The following POU2AF1 variants were observed in gnomAD, a reference collection of about 807,000 sequenced individuals.
POU2AF1 encodes POU domain class 2-associating factor 1.
Under a neutral mutation model 26.3 loss-of-function variants are expected in POU2AF1, and 12 were observed. That is an observed-to-expected ratio of 0.46 (90% confidence interval 0.29 to 0.74). The LOEUF (loss-of-function observed/expected upper bound fraction) is 0.74. POU2AF1 is among the 30% of genes least tolerant of loss of function. The probability of loss-of-function intolerance (pLI) is 0.09; values close to 1 mark genes in which losing one functional copy is unlikely to be tolerated. For synonymous variants in POU2AF1, 175 were observed against 148.0 expected (o/e 1.18, Z -1.32); for missense variants, 297 against 334.5 (o/e 0.89, Z 0.87).
At chr11:111,358,717 C>A in intron 2 of POU2AF1, 71 bp downstream of exon 2, 1 of 1,511,622 alleles carries the variant, frequency 6.6e-7, no homozygotes, top group East Asian at 2.5e-5. Context: ...CATACACTCT[C>A]ACACTATCCC....
At position 111,353,041 on chromosome 11, in the gene POU2AF1, GGAAGGAAGGAAGGAAA is replaced by G. The variant is rs1159530674; in HGVS notation, c.*1204_*1219del. The stretch of plus-strand genomic sequence containing the variant: ...AGGAAGGAAGGAAGGAAGGAAGGAA[GGAAGGAAGGAAGGAAA>G]GAAACAAAACCCACATGGTAGCACT... On this transcript the variant is annotated 3_prime_UTR_variant, in exon 5 of 5. Transcript: ENST00000393067. 9 of 167,508 alleles carry G rather than the reference GGAAGGAAGGAAGGAAA, an allele frequency of 5.4e-5. No individual in the cohort carries two copies. The highest frequency in any genetic ancestry group is 3.5e-4 in the African/African-American group (9 of 25,368). 10.4% of individuals were successfully genotyped at this position (167,508 alleles called of 1,614,324 possible). A position where few individuals can be genotyped will look rare whatever the true frequency, so the allele number is the denominator to read the frequency against.
chr11:111,360,141 G>T, intron 1 of POU2AF1: 1 of 462,392 alleles, frequency 2.2e-6, no homozygotes, highest in Admixed American at 2.3e-5. Context: ...TGGCTGGGAA[G>T]CAACAAGCTG....
At chr11:111,355,923 T>C (rs983426315) in intron 4 of POU2AF1, among the ~76,000 whole-genome samples, 3 of 152,136 alleles carry the variant, frequency 2.0e-5, no homozygotes, top group Admixed American at 1.3e-4. Flanking sequence ...TTTTCAAAAA[T>C]CCAGATGGAA....
intron 4 of POU2AF1, among the ~76,000 whole-genome samples, chr11:111,355,546 C>G (rs938078502): frequency 5.3e-5 from 8 of 152,308 alleles, no homozygotes; most frequent in African/African-American, 1.9e-4. Context: ...TGTGTCTTGA[C>G]AGCAAACTGT....
At chr11:111,369,527 G>A (rs566773063) in intron 1 of POU2AF1, among the ~76,000 whole-genome samples, 20 of 152,292 alleles carry the variant, frequency 1.3e-4, no homozygotes, top group African/African-American at 4.6e-4. Flanking sequence ...AGCACATATC[G>A]CATATGGAAT....
intron 1 of POU2AF1, among the ~76,000 whole-genome samples, chr11:111,366,344 C>G (rs1017207325): frequency 6.6e-6 from 1 of 152,140 alleles, no homozygotes; most frequent in Non-Finnish European, 1.5e-5. Context: ...AAAAAGACAG[C>G]AGGGGGAGAA....
At position 111,358,892 on chromosome 11, in the gene POU2AF1, G is replaced by T; in HGVS notation, c.43C>A (p.Pro15Thr). 1 of 1,607,134 alleles carries T rather than the reference G, an allele frequency of 6.2e-7. No homozygotes were observed. The change falls in exon 2 of 5, where the codon CCG (proline) becomes ACG (threonine). Residue 15 changes from proline to threonine, a missense_variant. By Grantham distance (38) the Pro-to-Thr change is conservative. Coordinates refer to ENST00000393067, the MANE Select transcript of POU2AF1 (RefSeq NM_006235.3). ...CGGACGCCCTGGTATGGCCGGGCCG[G>T]GGCTGGGGCTTGCTCCGGAGCTGTG... ...KPTAPEQAPAPARPYQGVRVK... is the reference protein window; with the variant it reads ...KPTAPEQAPATARPYQGVRVK...
intron 4 of POU2AF1, among the ~76,000 whole-genome samples, chr11:111,357,150 AACCAAG>A (rs1363715506): frequency 6.6e-6 from 1 of 152,124 alleles, no homozygotes; most frequent in Non-Finnish European, 1.5e-5. Context: ...TTCAACTCAG[AACCAAG>A]ACTCACTGCT....
chr11:111,369,410 C>T (rs1415223252), intron 1 of POU2AF1, among the ~76,000 whole-genome samples: 1 of 152,186 alleles, frequency 6.6e-6, no homozygotes, highest in Non-Finnish European at 1.5e-5. Flanking sequence ...GTCCTGACCT[C>T]AGATGCAGCC....
At position 111,353,021 on chromosome 11, in the gene POU2AF1, G is replaced by GGAAA. The variant is rs1860764335; in HGVS notation, c.*1239_*1240insTTTC. ...AGGAAGGAAGGAAGGAAGGAAGGAA[G>GGAAA]GAAGGAAGGAAGGAAGGAAGGAAGG... On this transcript the variant is annotated 3_prime_UTR_variant, in exon 5 of 5. Coordinates refer to ENST00000393067, the MANE Select transcript of POU2AF1 (RefSeq NM_006235.3). 1 of 126,246 alleles carries GGAAA rather than the reference G, an allele frequency of 7.9e-6. No homozygotes were observed. The highest frequency in any genetic ancestry group is 1.6e-5 in the Non-Finnish European group (1 of 61,024). The allele number at this position is 126,246 out of a possible 1,614,324, so 7.8% of individuals were successfully genotyped here.
At chr11:111,371,638 T>G (rs943641465) in intron 1 of POU2AF1, among the ~76,000 whole-genome samples, 5 of 152,268 alleles carry the variant, frequency 3.3e-5, no homozygotes, top group African/African-American at 1.2e-4. Context: ...TCAGAGGACA[T>G]ACAAATTGTA....
chr11:111,358,966 C>G (rs944989305), intron 1 of POU2AF1, 48 bp from the exon 2 acceptor site: 7 of 1,559,756 alleles, frequency 4.5e-6, no homozygotes, highest in Admixed American at 1.8e-5. Context: ...TCAGACGAGC[C>G]CCCACCCCAA....
chr11:111,354,079 A>G lies in POU2AF1; in HGVS notation c.*182T>C, dbSNP rs1591187061. ...AAGAATGGAAGGATGGGGGAGAGGG[A>G]GGAAGTGAGGGAGGGAGGGGAAGGA... On this transcript the variant is annotated 3_prime_UTR_variant, in exon 5 of 5. Transcript: ENST00000393067. The G allele has an allele frequency of 1.0e-5, 5 of 496,198 alleles. No individual in the cohort carries two copies. The East Asian group carries it at 2.1e-4, about 20-fold the overall frequency. 30.7% of individuals were successfully genotyped at this position (496,198 alleles called of 1,614,324 possible). A position where few individuals can be genotyped will look rare whatever the true frequency, so the allele number is the denominator to read the frequency against.
In POU2AF1 at chr11:111,357,814, C is replaced by T. The variant is rs745549673; in HGVS notation, c.171G>A (p.Leu57=). 1 of 1,612,140 alleles carries T rather than the reference C, an allele frequency of 6.2e-7. No homozygotes were observed. The highest frequency in any genetic ancestry group is 8.5e-7 in the Non-Finnish European group (1 of 1,179,286). The change falls in exon 3 of 5, where the codon CTG becomes CTA. Residue 57 remains leucine, a synonymous_variant. Transcript: ENST00000393067. ...TCTTACCCACTGTGGTGTAGGTCGC[C>T]AGGGGCTGATGGGGCAGCACCACCT... is the stretch of plus-strand genomic sequence containing the variant. ...PTAVVLPHQP[L]ATYTTVGPSC...
rs574897483 is a variant in POU2AF1, at chr11:111,355,982, G to A, written c.457-1407C>T. ...CCTGTAACTATAGGTTTCTTTGCTC[G>A]GGAATACAATTACTTCCACTCAGCA... On this transcript the variant is annotated intron_variant, in intron 4 of 4. Transcript: ENST00000393067. Among the ~76,000 whole-genome samples the A allele has an allele frequency of 1.3e-4, 20 of 152,264 alleles. No homozygotes were observed. The South Asian group carries it at 3.7e-3, about 28-fold the overall frequency.
chr11:111,373,422 C>G (rs1861249754), intron 1 of POU2AF1, among the ~76,000 whole-genome samples: 1 of 152,216 alleles, frequency 6.6e-6, no homozygotes, highest in Non-Finnish European at 1.5e-5. Context: ...ATCCAGGCAT[C>G]TGTGTTTCTT....
At chr11:111,358,391 C>CA (rs1565360690) in intron 2 of POU2AF1, among the ~76,000 whole-genome samples, 4 of 88,158 alleles carry the variant, frequency 4.5e-5, no homozygotes, top group African/African-American at 1.6e-4. Context: ...CACACACACT[C>CA]CCTCACACAC....
intron 1 of POU2AF1, chr11:111,364,052 T>G: frequency 1.1e-6 from 1 of 915,926 alleles, no homozygotes; most frequent in African/African-American, 2.1e-5. Flanking sequence ...AACCATTAAT[T>G]TGGCCCCTAT....
At chr11:111,359,253 G>A (rs1266757373) in intron 1 of POU2AF1, 6 of 319,906 alleles carry the variant, frequency 1.9e-5, no homozygotes, top group South Asian at 4.5e-5. Flanking sequence ...TGTTCTCTAC[G>A]TGTTCCTGCG....
Sources: allele counts gnomAD v4.1 joint callset (sites outside exome capture counted in the v4.1 genomes callset), GRCh38; gene constraint gnomAD v4.1.1; transcripts MANE v1.5; gene names NCBI Gene and HGNC (gene_info 2026-07-23, HGNC 2026-07-21).